LDLRAD3: variants seen among roughly 807,000 people sequenced by gnomAD.
LDLRAD3 encodes low-density lipoprotein receptor class A domain-containing protein 3.
LDLRAD3 carries 20 observed loss-of-function variants against 29.4 expected under a neutral mutation model. The observed-to-expected ratio is 0.68, with a 90% confidence interval of 0.48 to 0.99. The LOEUF is 0.99. LDLRAD3 is among the 50% of genes least tolerant of loss of function. The pLI, the probability that LDLRAD3 is intolerant of heterozygous loss-of-function variation, is 0.00. For missense variants in LDLRAD3, 420 were observed against 454.3 expected, an observed-to-expected ratio of 0.92 and a Z score of 0.69; for synonymous variants, 157 against 192.7, an observed-to-expected ratio of 0.81 and a Z score of 1.53.
Position 36,159,491 on chromosome 11 carries a change from G to A in LDLRAD3, c.454+61030G>A, listed in dbSNP as rs541095715. 9.3e-5 allele frequency among the ~76,000 whole-genome samples: 14 copies of A among 151,082 alleles called. No individual in the cohort carries two copies. The South Asian group carries it at 2.7e-3, about 29-fold the overall frequency. On this transcript the variant is annotated intron_variant, in intron 4 of 5. Coordinates refer to ENST00000315571, the MANE Select transcript of LDLRAD3 (RefSeq NM_174902.4). ...CTCTAAAAAGAAAAAGGAGCCAGATGCGGTGGCTCACTGCTGTAATCCCAG... is the reference window on the plus strand; with the variant it reads ...CTCTAAAAAGAAAAAGGAGCCAGATACGGTGGCTCACTGCTGTAATCCCAG...
Position 36,229,600 on chromosome 11 carries a change from C to T in LDLRAD3, c.*203C>T, listed in dbSNP as rs1855549046. ...GTCTCAGTTGACATGATCTGTTGTG[C>T]GTCTTTTCTGTCAGGTCACTCTTCC... On this transcript the variant is annotated 3_prime_UTR_variant, in exon 6 of 6. Coordinates refer to ENST00000315571, the MANE Select transcript of LDLRAD3 (RefSeq NM_174902.4). 5.6e-6 allele frequency: 3 copies of T among 537,246 alleles called. No individual in the cohort carries two copies. The highest frequency in any genetic ancestry group is 9.9e-6 in the Non-Finnish European group (3 of 302,506). The allele number at this position is 537,246 out of a possible 1,614,324, so 33.3% of individuals were successfully genotyped here.
At chr11:36,158,937 T>C (rs974061023) in intron 4 of LDLRAD3, among the ~76,000 whole-genome samples, 3 of 152,198 alleles carry the variant, frequency 2.0e-5, no homozygotes, top group Non-Finnish European at 4.4e-5. Flanking sequence ...GGTGACTACA[T>C]TCAGAAAGGT....
intron 4 of LDLRAD3, among the ~76,000 whole-genome samples, chr11:36,118,431 T>TCAGCACATTACTA (rs986115036): frequency 6.6e-6 from 1 of 151,972 alleles, no homozygotes; most frequent in Non-Finnish European, 1.5e-5. Flanking sequence ...GTATATGGTA[T>TCAGCACATTACTA]CAGCACATTA....
intron 4 of LDLRAD3, among the ~76,000 whole-genome samples, chr11:36,183,573 C>T (rs1484790861): frequency 6.6e-6 from 1 of 152,190 alleles, no homozygotes; most frequent in African/African-American, 2.4e-5. Flanking sequence ...GATGTCACTA[C>T]TCTAATACTT....
intron 4 of LDLRAD3, among the ~76,000 whole-genome samples, chr11:36,118,516 A>T (rs920879025): frequency 6.6e-6 from 1 of 151,070 alleles, no homozygotes; most frequent in African/African-American, 2.4e-5. Flanking sequence ...TGTGTGTGAG[A>T]GAGAGAGAGA....
chr11:35,993,026 A>G (rs1309613830), intron 1 of LDLRAD3, among the ~76,000 whole-genome samples: 1 of 152,200 alleles, frequency 6.6e-6, no homozygotes, highest in Non-Finnish European at 1.5e-5. Flanking sequence ...TACTGAATCC[A>G]TAATCCACAC....
chr11:35,996,473 T>G (rs1188313037), intron 1 of LDLRAD3, among the ~76,000 whole-genome samples: 1 of 152,150 alleles, frequency 6.6e-6, no homozygotes, highest in Admixed American at 6.5e-5. Flanking sequence ...TAAAAAAGTT[T>G]GAGATATTAT....
chr11:36,214,936 G>T (rs1282842367), intron 4 of LDLRAD3, among the ~76,000 whole-genome samples: 7 of 152,182 alleles, frequency 4.6e-5, no homozygotes, highest in Admixed American at 3.3e-4. Context: ...ATTCAGTTCT[G>T]CCCTCAGGGA....
intron 4 of LDLRAD3, among the ~76,000 whole-genome samples, chr11:36,104,672 G>A (rs1853500620): frequency 6.6e-6 from 1 of 152,186 alleles, no homozygotes. Flanking sequence ...CTCTGAGAGT[G>A]GGTGCTCTTA....
intron 4 of LDLRAD3, among the ~76,000 whole-genome samples, chr11:36,116,458 C>T (rs777479044): frequency 5.9e-5 from 9 of 152,096 alleles, no homozygotes; most frequent in African/African-American, 1.2e-4. Context: ...GCTCATAAGG[C>T]GCTTCTATTG....
chr11:36,047,762 C>G (rs1852471768), intron 2 of LDLRAD3, among the ~76,000 whole-genome samples: 1 of 152,144 alleles, frequency 6.6e-6, no homozygotes, highest in African/African-American at 2.4e-5. Flanking sequence ...CCTCAGTTTC[C>G]TCATCATCCC....
intron 4 of LDLRAD3, among the ~76,000 whole-genome samples, chr11:36,133,826 C>T (rs1287481517): frequency 3.9e-5 from 6 of 152,044 alleles, no homozygotes; most frequent in African/African-American, 9.7e-5. Context: ...CATGAGCCAC[C>T]GCGCCCGGCC....
intron 1 of LDLRAD3, among the ~76,000 whole-genome samples, chr11:36,030,294 C>A (rs1317893531): frequency 6.6e-6 from 1 of 152,206 alleles, no homozygotes; most frequent in Non-Finnish European, 1.5e-5. Flanking sequence ...GTGCACAGGA[C>A]AGATGTCTCT....
intron 1 of LDLRAD3, among the ~76,000 whole-genome samples, chr11:35,970,657 A>G (rs1851400383): frequency 6.6e-6 from 1 of 152,226 alleles, no homozygotes; most frequent in Non-Finnish European, 1.5e-5. Context: ...CAAGGCTGAG[A>G]GGTGTTAAGC....
intron 4 of LDLRAD3, among the ~76,000 whole-genome samples, chr11:36,127,726 A>T (rs1342506068): frequency 6.6e-6 from 1 of 152,172 alleles, no homozygotes; most frequent in Non-Finnish European, 1.5e-5. Flanking sequence ...TTTGCTCCTC[A>T]AATCTGCTTC....
chr11:36,206,436 C>T (rs1004385666), intron 4 of LDLRAD3, among the ~76,000 whole-genome samples: 13 of 152,152 alleles, frequency 8.5e-5, no homozygotes, highest in African/African-American at 1.9e-4. Flanking sequence ...AACTCTACAA[C>T]GTGGGAGAGA....
At chr11:36,216,466 C>A (rs1216772493) in intron 4 of LDLRAD3, among the ~76,000 whole-genome samples, 2 of 152,184 alleles carry the variant, frequency 1.3e-5, no homozygotes, top group African/African-American at 4.8e-5. Flanking sequence ...TTGTCAAATG[C>A]TACTTTGTGC....
intron 4 of LDLRAD3, among the ~76,000 whole-genome samples, chr11:36,210,650 A>G (rs1267641405): frequency 6.6e-6 from 1 of 152,154 alleles, no homozygotes; most frequent in African/African-American, 2.4e-5. Context: ...ATGCTCCACC[A>G]AGACTTCATT....
At chr11:36,212,873 A>G (rs1035939418) in intron 4 of LDLRAD3, among the ~76,000 whole-genome samples, 1 of 152,216 alleles carries the variant, frequency 6.6e-6, no homozygotes, top group Admixed American at 6.5e-5. Flanking sequence ...AAAGGATGGA[A>G]TGCAGCTTTC....
Sources: gnomAD v4.1 joint callset for allele counts (sites outside exome capture counted in the v4.1 genomes callset) on GRCh38, gnomAD v4.1.1 for gene constraint, MANE v1.5 for transcripts, NCBI Gene and HGNC (gene_info 2026-07-23, HGNC 2026-07-21) for gene names.